FLNA: variants seen among roughly 807,000 people sequenced by gnomAD.
The protein encoded by FLNA is filamin-A.
In FLNA, 7 loss-of-function variants were observed where a neutral mutation model predicts 157.6. The ratio of observed to expected loss-of-function variants is 0.04; its 90% CI spans 0.03 to 0.08. FLNA has a LOEUF of 0.08. FLNA is among the 10% of genes least tolerant of loss of function. FLNA has a pLI of 1.00. For synonymous variants in FLNA, 1,103 were observed against 1,060.8 expected (o/e 1.04, Z -0.77); for missense variants, 1,750 against 2,398.4 (o/e 0.73, Z 5.65).
chrX:154,359,825 G>A lies in FLNA; in HGVS notation c.3886C>T (p.Arg1296Cys), dbSNP rs781816229. The A allele has an allele frequency of 4.1e-6, 5 of 1,209,243 alleles. No homozygotes were observed. The highest frequency in any genetic ancestry group is 5.6e-6 in the Non-Finnish European group (5 of 894,812). ...TQTGGPHVKA[R>C]VANPSGNLTE... ...AGGTTGCCTGAGGGGTTGGCCACACGGGCCTTGACGTGCGGCCCTCCGGTC... is the reference window on the plus strand; with the variant it reads ...AGGTTGCCTGAGGGGTTGGCCACACAGGCCTTGACGTGCGGCCCTCCGGTC... Residue 1296 changes from arginine (R) to cysteine (C), a missense_variant, in exon 23 of 48, where the codon CGT becomes TGT. Arg to Cys is a radical substitution (Grantham distance 180). Around this residue, in one of 5 missense-constraint regions of FLNA, gnomAD observed 970 missense variants for 1,302.6 expected, o/e 0.74. Coordinates refer to ENST00000369850, the MANE Select transcript of FLNA (RefSeq NM_001110556.2).
rs2148109545 is a variant in FLNA, at chrX:154,357,424, G to A, written c.4945+10C>T. 4 of 1,205,751 alleles carry A rather than the reference G, an allele frequency of 3.3e-6. No homozygotes were observed. The South Asian group carries it at 5.3e-5, about 16-fold the overall frequency. ...CGAGCGCCGCAGCGGCCAACAGCGG[G>A]CGGGCTCACCTGTGACAGTGCACTT... On this transcript the variant is annotated intron_variant, in intron 29 of 47. Coordinates refer to ENST00000369850, the MANE Select transcript of FLNA (RefSeq NM_001110556.2).
chrX:154,356,060 G>A (rs1283195416), intron 30 of FLNA, among the ~76,000 whole-genome samples: 1 of 112,517 alleles, frequency 8.9e-6, no homozygotes, highest in Non-Finnish European at 1.9e-5. Flanking sequence ...CCAGGCTCCA[G>A]ACCTGGCTGC....
chrX:154,351,552 CA>C (rs1557175775), intron 43 of FLNA, 28 bp downstream of exon 43: 1 of 1,049,149 alleles, frequency 9.5e-7, no homozygotes, highest in South Asian at 1.9e-5. Flanking sequence ...CCAGGAGCCC[CA>C]GGTGGGCGGT....
Position 154,349,480 on chromosome X carries a change from C to A in FLNA, c.7638G>T (p.Gln2546His). 7 of 1,212,092 alleles carry A rather than the reference C, an allele frequency of 5.8e-6. No individual in the cohort carries two copies. The highest frequency in any genetic ancestry group is 7.8e-6 in the Non-Finnish European group (7 of 895,429). ...CAGGCCCAGGACCCGGGGCCCCATG[C>A]TGGGGGGCACAGGTGGCCTTGGTCA... ...DSLTKATCAP[Q>H]HGAPGPGPAD... The change falls in exon 47 of 48, where the codon CAG (glutamine) becomes CAT (histidine). Residue 2546 changes from glutamine (Q) to histidine (H), a missense_variant. Physicochemically the swap from Gln to His is conservative, Grantham distance 24 (BLOSUM62 0). Transcript: ENST00000369850.
Position 154,371,367 on chromosome X carries a change from G to T in FLNA, c.-116-6C>A. 1 of 918,306 alleles carries T rather than the reference G, an allele frequency of 1.1e-6. No individual in the cohort carries two copies. Among genetic ancestry groups the T allele is most frequent in the Non-Finnish European group, 1.5e-6 (1 of 671,800 alleles). 75.7% of individuals were successfully genotyped at this position (918,306 alleles called of 1,213,427 possible). A position where few individuals can be genotyped will look rare whatever the true frequency, so the allele number is the denominator to read the frequency against. On this transcript the variant is annotated splice_region_variant and splice_polypyrimidine_tract_variant and intron_variant, in intron 1 of 47. Transcript: ENST00000369850. ...GGCAGGGAGCAGAGGTTGCGCTGCG[G>T]AGAGAGCGAGCCCTTTAAATGCGGG...
Position 154,352,591 on chromosome X carries a change from T to C in FLNA, c.6464A>G (p.Asn2155Ser). The C allele has an allele frequency of 4.1e-6, 5 of 1,211,607 alleles. No homozygotes were observed. Among genetic ancestry groups the C allele is most frequent in the Non-Finnish European group, 4.5e-6 (4 of 895,514 alleles). ...GCTGAGGTCACAATGACTACCAACGTTGGCCACTGAAGGAGCCCGACGCCT... is the reference window on the plus strand; with the variant it reads ...GCTGAGGTCACAATGACTACCAACGCTGGCCACTGAAGGAGCCCGACGCCT... Reference protein sequence around the residue: ...TRRRRAPSVANVGSHCDLSLK... With the variant: ...TRRRRAPSVASVGSHCDLSLK... Residue 2155 changes from asparagine to serine, a missense_variant, in exon 40 of 48, where the codon AAC becomes AGC. This residue lies in a region of FLNA where 970 missense variants were observed against 1,302.6 expected (regional missense o/e 0.74). Transcript: ENST00000369850.
chrX:154,371,335 G>C lies in FLNA; in HGVS notation c.-90C>G, dbSNP rs2067806501. 1 of 1,094,663 alleles carries C rather than the reference G, an allele frequency of 9.1e-7. No homozygotes were observed. Among genetic ancestry groups the C allele is most frequent in the Non-Finnish European group, 1.2e-6 (1 of 817,025 alleles). 90.2% of individuals were successfully genotyped at this position (1,094,663 alleles called of 1,213,427 possible). A position where few individuals can be genotyped will look rare whatever the true frequency, so the allele number is the denominator to read the frequency against. ...AAGTCGCAGGCACCTAGGCGCGCGG[G>C]AGGCGAGGCAGGGAGCAGAGGTTGC... On this transcript the variant is annotated 5_prime_UTR_variant, in exon 2 of 48. Transcript: ENST00000369850.
At chrX:154,352,087 C>T in intron 41 of FLNA, 66 bp from the exon 42 acceptor site, 1 of 1,208,292 alleles carries the variant, frequency 8.3e-7, no homozygotes. Context: ...CCAGGCATAG[C>T]CAAGGTAGAC....
At chrX:154,368,575 C>T (rs1017458995) in intron 2 of FLNA, among the ~76,000 whole-genome samples, 19 of 110,972 alleles carry the variant, frequency 1.7e-4, no homozygotes, top group Non-Finnish European at 1.3e-4. Flanking sequence ...GTGGGTGGCC[C>T]TGGGTGGTTG....
intron 8 of FLNA, 33 bp downstream of exon 8, chrX:154,366,275 C>A: frequency 8.3e-7 from 1 of 1,211,472 alleles, no homozygotes; most frequent in Non-Finnish European, 1.1e-6. Context: ...GCTCTCCCCA[C>A]AGACCAGCTG....
chrX:154,352,294 T>C lies in FLNA; in HGVS notation c.6656A>G (p.Gln2219Arg), dbSNP rs782037508. 8.2e-7 allele frequency: 1 copy of C among 1,212,188 alleles called. No homozygotes were observed. Among genetic ancestry groups the C allele is most frequent in the Non-Finnish European group, 1.1e-6 (1 of 895,658 alleles). The stretch of plus-strand genomic sequence containing the variant: ...CTGGAAGGGGCTCCCAGGCACGTGC[T>C]GGCCCTTGTACTTCACGCTGACTGT... ...THTVSVKYKG[Q>R]HVPGSPFQFT... Residue 2219 changes from glutamine to arginine, a missense_variant, in exon 41 of 48, where the codon CAG (glutamine) becomes CGG (arginine). By Grantham distance (43) the Gln-to-Arg change is conservative (BLOSUM62 1). Transcript: ENST00000369850.
At chrX:154,362,623 C>T (rs1603361890) in intron 16 of FLNA, 38 bp downstream of exon 16, 2 of 1,209,340 alleles carry the variant, frequency 1.7e-6, no homozygotes, top group African/African-American at 1.7e-5. Flanking sequence ...GCAGGGACAC[C>T]CCAGCCACCT....
chrX:154,372,056 C>T (rs1160737434), intron 1 of FLNA, among the ~76,000 whole-genome samples: 1 of 113,633 alleles, frequency 8.8e-6, no homozygotes, highest in Non-Finnish European at 1.9e-5. Context: ...CACCTGTGCC[C>T]GCTGCTTCCC....
chrX:154,368,185 G>A, intron 2 of FLNA, 95 bp from the exon 3 acceptor site: 4 of 1,142,069 alleles, frequency 3.5e-6, no homozygotes, highest in Non-Finnish European at 3.6e-6. Flanking sequence ...CGGGGTAGCA[G>A]GGGCCAAGGA....
At chrX:154,350,647 G>A (rs1227609998) in intron 44 of FLNA, 4 of 401,517 alleles carry the variant, frequency 1.0e-5, no homozygotes, top group South Asian at 3.3e-5. Flanking sequence ...CTGAAGGGCC[G>A]GGCAGCACTG....
intron 14 of FLNA, 38 bp downstream of exon 14, chrX:154,364,221 C>T: frequency 8.3e-7 from 1 of 1,207,975 alleles, no homozygotes; most frequent in Non-Finnish European, 1.1e-6. Flanking sequence ...CCTGGGTGCC[C>T]ACACCTGCCC....
intron 2 of FLNA, 25 bp downstream of exon 2, chrX:154,370,848 C>T (rs782554710): frequency 2.4e-4 from 292 of 1,205,460 alleles, no homozygotes; most frequent in Non-Finnish European, 2.6e-4. Flanking sequence ...CCCCCGCCCG[C>T]CCGGCGCTTC....
intron 1 of FLNA, among the ~76,000 whole-genome samples, chrX:154,372,375 C>T (rs1427901304): frequency 3.6e-5 from 4 of 112,378 alleles, no homozygotes; most frequent in Non-Finnish European, 7.5e-5. Flanking sequence ...CCCAGAGGGG[C>T]CTGCTCAGAG....
chrX:154,370,045 T>C (rs2239470), intron 2 of FLNA, among the ~76,000 whole-genome samples: 46,940 of 110,454 alleles, frequency 0.42, 10,536 homozygotes, highest in African/African-American at 0.88. Context: ...TGAGAACGAA[T>C]TGGGCTGCTG....
Sources: gnomAD v4.1 joint callset for allele counts (sites outside exome capture counted in the v4.1 genomes callset) on GRCh38, gnomAD v4.1.1 for gene constraint, gnomAD v4.1.1 regional missense constraint, MANE v1.5 for transcripts, NCBI Gene and HGNC (gene_info 2026-07-23, HGNC 2026-07-21) for gene names.